CD2AP: variants seen among roughly 807,000 people sequenced by gnomAD.
CD2AP encodes the protein CD2-associated protein.
Under a neutral mutation model 85.1 loss-of-function variants are expected in CD2AP, and 46 were observed. The ratio of observed to expected loss-of-function variants is 0.54; its 90% CI spans 0.43 to 0.69. The LOEUF (loss-of-function observed/expected upper bound fraction) is 0.69, where lower values mean the gene tolerates loss of function less well. Ranked by LOEUF, CD2AP falls within the 30% of genes least tolerant of loss-of-function variation. The pLI, the probability that CD2AP is intolerant of heterozygous loss-of-function variation, is 0.00. For synonymous variants in CD2AP, 255 were observed against 252.9 expected (o/e 1.01, Z -0.08); for missense variants, 769 against 729.5 (o/e 1.05, Z -0.62).
chr6:47,577,965 T>A (rs1768357623), intron 8 of CD2AP, among the ~76,000 whole-genome samples: 1 of 152,136 alleles, frequency 6.6e-6, no homozygotes, highest in Non-Finnish European at 1.5e-5. Flanking sequence ...AGTATAATGA[T>A]GTTATAGGAT....
Position 47,627,254 on chromosome 6 carries a change from A to C in CD2AP, c.*3027A>C, listed in dbSNP as rs917905351. On this transcript the variant is annotated 3_prime_UTR_variant, in exon 18 of 18. Transcript: ENST00000359314. Reference sequence around the variant, plus strand: ...TACAAGAATAAATAGTAAACCAAAAACATTAAAAATTCTAGACCCGTATGA... The same window carrying C: ...TACAAGAATAAATAGTAAACCAAAACCATTAAAAATTCTAGACCCGTATGA... The C allele has an allele frequency of 1.3e-5, 2 of 152,160 alleles. No homozygotes were observed. Among genetic ancestry groups the C allele is most frequent in the African/African-American group, 4.8e-5 (2 of 41,444 alleles). The allele number at this position is 152,160 out of a possible 1,614,324, so 9.4% of individuals were successfully genotyped here.
intron 1 of CD2AP, among the ~76,000 whole-genome samples, chr6:47,488,025 CTTTTT>C: frequency 7.8e-6 from 1 of 127,604 alleles, no homozygotes; most frequent in East Asian, 2.2e-4. Context: ...GGATGAGATC[CTTTTT>C]TTTTTTTTTT....
chr6:47,484,468 T>C (rs377418401), intron 1 of CD2AP, among the ~76,000 whole-genome samples: 1 of 152,190 alleles, frequency 6.6e-6, no homozygotes, highest in East Asian at 1.9e-4. Context: ...GAAAGCATAT[T>C]TACTAATTGT....
chr6:47,568,080 ATGTTATT>A (rs1768052143), intron 5 of CD2AP, among the ~76,000 whole-genome samples: 3 of 152,138 alleles, frequency 2.0e-5, no homozygotes, highest in African/African-American at 7.2e-5. Flanking sequence ...CCTAGTGATA[ATGTTATT>A]TGGGGGATGA....
chr6:47,587,739 G>A (rs183619716), intron 11 of CD2AP, among the ~76,000 whole-genome samples: 105 of 152,248 alleles, frequency 6.9e-4, no homozygotes, highest in African/African-American at 2.4e-3. Flanking sequence ...AGAAGAGAAT[G>A]TAACAAAGGT....
rs867248435 is a variant in CD2AP, at chr6:47,547,801, G to A, written c.420+3095G>A. ...ACAAAGTGAACCTCAGTAAATTTAA[G>A]AAAATTGAAATTATATCAAGCACTC... is the stretch of plus-strand genomic sequence containing the variant. On this transcript the variant is annotated intron_variant, in intron 4 of 17. Transcript: ENST00000359314. Among the ~76,000 whole-genome samples the A allele has an allele frequency of 2.6e-5, 4 of 152,108 alleles. No homozygotes were observed. The South Asian group carries it at 8.3e-4, about 32-fold the overall frequency.
intron 13 of CD2AP, among the ~76,000 whole-genome samples, chr6:47,603,883 G>A (rs1769205201): frequency 6.6e-6 from 1 of 151,926 alleles, no homozygotes; most frequent in African/African-American, 2.4e-5. Flanking sequence ...AATATAAATA[G>A]GTGGTGCACA....
intron 11 of CD2AP, among the ~76,000 whole-genome samples, chr6:47,589,537 T>C (rs1312446529): frequency 1.1e-5 from 1 of 91,442 alleles, no homozygotes; most frequent in Non-Finnish European, 2.5e-5. Flanking sequence ...TATACACATA[T>C]GTACACATAT....
At chr6:47,611,788 C>T (rs1769448218) in intron 16 of CD2AP, among the ~76,000 whole-genome samples, 2 of 151,882 alleles carry the variant, frequency 1.3e-5, no homozygotes, top group African/African-American at 4.8e-5. Context: ...AATAATGAAT[C>T]AGCCAAACAA....
chr6:47,499,783 C>T (rs769819851), intron 1 of CD2AP, among the ~76,000 whole-genome samples: 2 of 152,158 alleles, frequency 1.3e-5, no homozygotes, highest in African/African-American at 2.4e-5. Context: ...TGCTCTGTCG[C>T]AGTGGCACGA....
intron 4 of CD2AP, among the ~76,000 whole-genome samples, chr6:47,552,823 G>A (rs1296770680): frequency 6.6e-6 from 1 of 152,030 alleles, no homozygotes; most frequent in African/African-American, 2.4e-5. Flanking sequence ...GTCACTTCAT[G>A]CTTTACTGCC....
intron 1 of CD2AP, among the ~76,000 whole-genome samples, chr6:47,489,481 C>G (rs950419397): frequency 6.6e-6 from 1 of 151,844 alleles, no homozygotes; most frequent in African/African-American, 2.4e-5. Context: ...CGGCTGCACT[C>G]GACTAGTTTT....
At chr6:47,508,104 A>G (rs1766221808) in intron 2 of CD2AP, among the ~76,000 whole-genome samples, 1 of 152,228 alleles carries the variant, frequency 6.6e-6, no homozygotes, top group South Asian at 2.1e-4. Context: ...CACTTAAATT[A>G]CCAGCTGCAT....
At chr6:47,532,386 C>T (rs1387820740) in intron 2 of CD2AP, among the ~76,000 whole-genome samples, 90 of 5,284 alleles carry the variant, frequency 0.017, no homozygotes, top group Non-Finnish European at 0.065. Flanking sequence ...TACACACACA[C>T]ACACACACAC....
Position 47,577,274 on chromosome 6 carries a change from C to T in CD2AP, c.903+171C>T, listed in dbSNP as rs192727786. Among the ~76,000 whole-genome samples the T allele has an allele frequency of 2.1e-3, 313 of 152,234 alleles. 6 individuals are homozygous for T. The highest frequency in any genetic ancestry group is 4.4e-3 in the East Asian group (23 of 5,190). Reference sequence around the variant, plus strand: ...CTTGGCACGTAATAAGTGCTCAGAACGTTCTCTTTTTGAGCTAACTTTTAT... The same window carrying T: ...CTTGGCACGTAATAAGTGCTCAGAATGTTCTCTTTTTGAGCTAACTTTTAT... On this transcript the variant is annotated intron_variant, in intron 8 of 17. Transcript: ENST00000359314.
intron 1 of CD2AP, among the ~76,000 whole-genome samples, chr6:47,487,796 C>A (rs1259339605): frequency 6.6e-6 from 1 of 152,134 alleles, no homozygotes; most frequent in Non-Finnish European, 1.5e-5. Context: ...GACCATATCA[C>A]TTATTTTATT....
chr6:47,545,613 C>T (rs997928320), intron 4 of CD2AP, among the ~76,000 whole-genome samples: 4 of 152,110 alleles, frequency 2.6e-5, no homozygotes, highest in African/African-American at 7.2e-5. Context: ...ATACCCCGCC[C>T]GCTGGTCCCA....
chr6:47,550,347 C>A (rs1767481229), intron 4 of CD2AP, among the ~76,000 whole-genome samples: 1 of 152,026 alleles, frequency 6.6e-6, no homozygotes, highest in African/African-American at 2.4e-5. Flanking sequence ...TGAACTCCAA[C>A]AAATTAGCAA....
At chr6:47,562,549 C>T (rs1767889245) in intron 5 of CD2AP, 1 of 305,322 alleles carries the variant, frequency 3.3e-6, no homozygotes, top group Admixed American at 4.6e-5. Flanking sequence ...TTGCCTTCCA[C>T]CAACAAGTCT....
Sources: allele counts gnomAD v4.1 joint callset (sites outside exome capture counted in the v4.1 genomes callset), GRCh38; gene constraint gnomAD v4.1.1; transcripts MANE v1.5; gene names NCBI Gene and HGNC (gene_info 2026-07-23, HGNC 2026-07-21).